The following SLC22A16 variants were observed in gnomAD, a reference collection of about 807,000 sequenced individuals.
SLC22A16 encodes WUGSC:RG331P03.1.
In SLC22A16, 53 loss-of-function variants were observed where a neutral mutation model predicts 52.9. The observed-to-expected ratio is 1.00, with a 90% CI of 0.80 to 1.26. SLC22A16 has a LOEUF of 1.26. Among genes scored for constraint, SLC22A16 ranks in the 50% most tolerant of loss-of-function variants. SLC22A16 has a pLI of 0.00. For missense variants in SLC22A16, 726 were observed against 704.0 expected (o/e 1.03, Z -0.35); for synonymous variants, 291 against 268.8 (o/e 1.08, Z -0.81).
In SLC22A16 at chr6:110,424,938, T is replaced by C. The variant is rs556945678; in HGVS notation, c.1669A>G (p.Thr557Ala). 1.4e-4 allele frequency: 225 copies of C among 1,614,108 alleles called. 3 individuals are homozygous for C. The South Asian group carries it at 2.0e-3, about 14-fold the overall frequency. ...ESKSSKLLLT[T>A]NNSGLEKTEA... is the part of the protein sequence containing the mutation. Reference sequence around the variant, plus strand: ...GTTTTTTCCAGCCCACTATTATTAGTTGTGAGAAGTAATTTGCTTGACTTG... The same window carrying C: ...GTTTTTTCCAGCCCACTATTATTAGCTGTGAGAAGTAATTTGCTTGACTTG... Residue 557 changes from threonine to alanine, a missense_variant, in exon 8 of 8, where the codon ACT (threonine) becomes GCT (alanine). Physicochemically the swap from Thr to Ala is moderately conservative, Grantham distance 58. Coordinates refer to ENST00000368919, the MANE Select transcript of SLC22A16 (RefSeq NM_033125.4).
At chr6:110,449,926 C>A (rs1459525124) in intron 2 of SLC22A16, among the ~76,000 whole-genome samples, 1 of 152,154 alleles carries the variant, frequency 6.6e-6, no homozygotes, top group Non-Finnish European at 1.5e-5. Flanking sequence ...ACAATCTGCC[C>A]TTCTCTACTT....
chr6:110,456,633 C>CA lies in SLC22A16; in HGVS notation c.437dup (p.Val147GlyfsTer3). On this transcript the variant is annotated frameshift_variant, in exon 2 of 8. Coordinates refer to ENST00000368919, the MANE Select transcript of SLC22A16 (RefSeq NM_033125.4). LOFTEE classifies it high-confidence loss of function. ...TTGCAAGCCATTTTCGGTCACAGAC[C>CA]AGGTTCCACTGGGTCACCGCAGTGC... 1 of 1,614,144 alleles carries CA rather than the reference C, an allele frequency of 6.2e-7. No individual in the cohort carries two copies. The highest frequency in any genetic ancestry group is 8.5e-7 in the Non-Finnish European group (1 of 1,180,032).
At chr6:110,448,090 C>T (rs1197506793) in intron 2 of SLC22A16, among the ~76,000 whole-genome samples, 1 of 152,158 alleles carries the variant, frequency 6.6e-6, no homozygotes, top group Admixed American at 6.5e-5. Flanking sequence ...TCCAAGATGG[C>T]CGCCCCATTT....
chr6:110,449,032 A>G (rs566084072), intron 2 of SLC22A16, among the ~76,000 whole-genome samples: 14 of 152,164 alleles, frequency 9.2e-5, no homozygotes, highest in African/African-American at 3.4e-4. Context: ...GCCACGTTGC[A>G]TTTCCTCCCT....
At chr6:110,468,941 C>T (rs761221318) in intron 1 of SLC22A16, among the ~76,000 whole-genome samples, 2 of 152,254 alleles carry the variant, frequency 1.3e-5, no homozygotes, top group South Asian at 2.1e-4. Context: ...GGGGTGAGCA[C>T]CTAGCATGGC....
rs141313057 is a variant in SLC22A16 at position 110,437,213 on chromosome 6, C to T, written c.1312-1252G>A. 5.4e-3 allele frequency among the ~76,000 whole-genome samples: 825 copies of T among 152,226 alleles called. 2 individuals are homozygous for T. Among genetic ancestry groups the T allele is most frequent in the Middle Eastern group, 0.02 (6 of 294 alleles). On this transcript the variant is annotated intron_variant, in intron 5 of 7. Coordinates refer to ENST00000368919, the MANE Select transcript of SLC22A16 (RefSeq NM_033125.4). ...ATTTGTATTGTGTTGACATTATCAC[C>T]TGGGGAAAAATTTATTGGAGGGGAG...
At position 110,425,296 on chromosome 6, in the gene SLC22A16, T is replaced by C. The variant is rs1242005841; in HGVS notation, c.1522-211A>G. ...GAGGTTTAATCTCATCACTCACTCA[T>C]TCATTCCTTCATGACCCACCATGGA... On this transcript the variant is annotated intron_variant, in intron 7 of 7. Coordinates refer to ENST00000368919, the MANE Select transcript of SLC22A16 (RefSeq NM_033125.4). 3 of 1,490,254 alleles carry C rather than the reference T, an allele frequency of 2.0e-6. No individual in the cohort carries two copies. In the East Asian group the frequency reaches 8.4e-5, roughly 41 times the overall value. The allele number at this position is 1,490,254 out of a possible 1,614,324, so 92.3% of individuals were successfully genotyped here.
At position 110,456,998 on chromosome 6, in the gene SLC22A16, A is replaced by G. The variant is rs1775687818; in HGVS notation, c.73T>C (p.Phe25Leu). The G allele has an allele frequency of 3.2e-6, 5 of 1,539,346 alleles. No individual in the cohort carries two copies. In the South Asian group the frequency reaches 6.4e-5, roughly 20 times the overall value. Residue 25 changes from phenylalanine (F) to leucine (L), a missense_variant, in exon 2 of 8, where the codon TTC becomes CTC. Transcript: ENST00000368919. ...GAGATGTTCTGGAAGGCACATATGA[A>G]ATAGAGGACTCTCTGGAATCTGCAA... Reference protein sequence around the residue: ...HFGRFQRVLYFICAFQNISCG... With the variant: ...HFGRFQRVLYLICAFQNISCG...
At chr6:110,444,625 T>C (rs1198447140) in intron 3 of SLC22A16, among the ~76,000 whole-genome samples, 2 of 152,138 alleles carry the variant, frequency 1.3e-5, no homozygotes, top group Non-Finnish European at 2.9e-5. Flanking sequence ...CATTGGACAG[T>C]CACAAAGAGG....
At chr6:110,428,550 T>C (rs2295189) in intron 7 of SLC22A16, among the ~76,000 whole-genome samples, 51,269 of 152,100 alleles carry the variant, frequency 0.34, 8,922 homozygotes, top group East Asian at 0.41. Flanking sequence ...ATCAGTCTCC[T>C]CATCTGTAAA....
At chr6:110,425,964 T>TA (rs1774242694) in intron 7 of SLC22A16, among the ~76,000 whole-genome samples, 1 of 151,818 alleles carries the variant, frequency 6.6e-6, no homozygotes, top group Non-Finnish European at 1.5e-5. Flanking sequence ...GCTTTTCTGA[T>TA]AAATCTACAC....
At position 110,450,566 on chromosome 6, in the gene SLC22A16, C is replaced by T. The variant is rs539095286; in HGVS notation, c.534-3576G>A. Among the ~76,000 whole-genome samples the T allele has an allele frequency of 5.1e-4, 73 of 143,920 alleles. No individual in the cohort carries two copies. The South Asian group carries it at 0.015, about 29-fold the overall frequency. The allele number at this position is 143,920 out of a possible 152,430, so 94.4% of individuals were successfully genotyped here. On this transcript the variant is annotated intron_variant, in intron 2 of 7. Coordinates refer to ENST00000368919, the MANE Select transcript of SLC22A16 (RefSeq NM_033125.4). ...GGCAGAAGTTGCAGTGATCCAAGAT[C>T]GCACCACTGCACTTCAGCCTGGGCA...
chr6:110,456,858 CA>C lies in SLC22A16; in HGVS notation c.212del (p.Leu71TrpfsTer71). ...VVFHNHSNWS[L>X]EDTGALLSSG... ...AAGACAACAGGGCCCCGGTGTCCTC[CA>C]AACTCCAATTAGAGTGATTATGGAA... On this transcript the variant is annotated frameshift_variant, in exon 2 of 8. Coordinates refer to ENST00000368919, the MANE Select transcript of SLC22A16 (RefSeq NM_033125.4). LOFTEE classifies it high-confidence loss of function. The C allele has an allele frequency of 6.2e-7, 1 of 1,614,096 alleles. No homozygotes were observed. The highest frequency in any genetic ancestry group is 8.5e-7 in the Non-Finnish European group (1 of 1,179,988).
At chr6:110,448,133 G>C (rs1775246502) in intron 2 of SLC22A16, among the ~76,000 whole-genome samples, 1 of 152,128 alleles carries the variant, frequency 6.6e-6, no homozygotes, top group Admixed American at 6.6e-5. Context: ...TGAGGGTTTT[G>C]ATTCTCCACA....
intron 1 of SLC22A16, among the ~76,000 whole-genome samples, chr6:110,466,711 T>C (rs1776075484): frequency 6.6e-6 from 1 of 152,150 alleles, no homozygotes; most frequent in African/African-American, 2.4e-5. Flanking sequence ...TGGAAAACAT[T>C]ATCAAGATTT....
At chr6:110,438,933 C>T in intron 4 of SLC22A16, 86 bp from the exon 5 acceptor site, 1 of 1,534,552 alleles carries the variant, frequency 6.5e-7, no homozygotes, top group Non-Finnish European at 8.9e-7. Context: ...ACCCAAAAGG[C>T]ATGAGCAGCC....
intron 1 of SLC22A16, among the ~76,000 whole-genome samples, chr6:110,467,278 G>A (rs1326439453): frequency 6.6e-6 from 1 of 151,416 alleles, no homozygotes; most frequent in Non-Finnish European, 1.5e-5. Context: ...ACTTGCTTCC[G>A]CCTTTCCCAT....
chr6:110,433,558 C>T (rs746246743), intron 6 of SLC22A16, among the ~76,000 whole-genome samples: 3 of 152,204 alleles, frequency 2.0e-5, no homozygotes, highest in Non-Finnish European at 4.4e-5. Flanking sequence ...TAGAAAGTCA[C>T]TTGCCTTTCA....
intron 2 of SLC22A16, among the ~76,000 whole-genome samples, chr6:110,452,504 G>A (rs1351235308): frequency 6.6e-6 from 1 of 151,732 alleles, no homozygotes; most frequent in Non-Finnish European, 1.5e-5. Context: ...ATACATCCTC[G>A]TCTGTTCCTA....
Sources: gnomAD v4.1 joint callset for allele counts (sites outside exome capture counted in the v4.1 genomes callset) on GRCh38, gnomAD v4.1.1 for gene constraint, MANE v1.5 for transcripts, NCBI Gene and HGNC (gene_info 2026-07-23, HGNC 2026-07-21) for gene names.